Variants in FRMD1 observed in about 807,000 individuals in gnomAD.
FRMD1 encodes the protein FERM domain containing 1, also known as FERM domain-containing protein 1.
FRMD1 carries 51 observed loss-of-function variants against 54.9 expected under a neutral mutation model. That is an observed-to-expected ratio of 0.93 (90% CI 0.74 to 1.17). FRMD1 has a LOEUF of 1.17. FRMD1 is among the 50% of genes most tolerant of loss of function. The pLI, the probability that FRMD1 is intolerant of heterozygous loss-of-function variation, is 0.00. For missense variants in FRMD1, 729 were observed against 743.0 expected, an observed-to-expected ratio of 0.98 and a Z score of 0.22; for synonymous variants, 324 against 306.4, an observed-to-expected ratio of 1.06 and a Z score of -0.60.
intron 1 of FRMD1, among the ~76,000 whole-genome samples, chr6:168,087,688 A>G (rs1800945177): frequency 6.6e-6 from 1 of 152,192 alleles, no homozygotes; most frequent in South Asian, 2.1e-4. Flanking sequence ...AGATGTGAGG[A>G]CATCCCACTC....
intron 5 of FRMD1, 145 bp from the exon 6 acceptor site, chr6:168,063,901 A>G: frequency 3.3e-6 from 3 of 917,070 alleles, no homozygotes; most frequent in Non-Finnish European, 4.7e-6. Context: ...TGCTGAGCCC[A>G]GAACCAGAGA....
intron 1 of FRMD1, 63 bp downstream of exon 1, chr6:168,078,795 GGGCCCTGCTCACCCCCACGGCCAC>G: frequency 2.1e-6 from 2 of 933,284 alleles, no homozygotes; most frequent in Non-Finnish European, 2.8e-6. Context: ...CGGCCACCCA[GGGCCCTGCTCACCCCCACGGCCAC>G]CCGGAGCCCT....
intron 4 of FRMD1, chr6:168,066,534 A>T (rs1562416627): frequency 1.6e-6 from 2 of 1,284,022 alleles, no homozygotes; most frequent in Non-Finnish European, 2.0e-6. Flanking sequence ...GAAAAAGAAA[A>T]GAAAAAGAAG....
chr6:168,066,518 CAAA>C (rs1800032802), intron 4 of FRMD1: 1 of 1,271,782 alleles, frequency 7.9e-7, no homozygotes. Context: ...CAAAACAAAA[CAAA>C]AAGAAAAAGA....
chr6:168,081,591 T>C (rs990685488), upstream of FRMD1: 3 of 1,340,586 alleles, frequency 2.2e-6, no homozygotes, highest in Non-Finnish European at 3.0e-6. Flanking sequence ...GAACTCAAGC[T>C]TCGGAGCTCT....
chr6:168,060,749 C>T lies in FRMD1; in HGVS notation c.1342+12G>A, dbSNP rs758922773. On this transcript the variant is annotated intron_variant, in intron 9 of 10. Coordinates refer to ENST00000283309, the MANE Select transcript of FRMD1 (RefSeq NM_024919.6). ...ACTGTCCCTGAGGCCTGGGCATCTC[C>T]CTCGGGCCCACCTTGGCTGTCACCA... 2.5e-6 allele frequency: 4 copies of T among 1,602,170 alleles called. No individual in the cohort carries two copies. The highest frequency in any genetic ancestry group is 2.2e-5 in the East Asian group (1 of 44,594).
intron 6 of FRMD1, among the ~76,000 whole-genome samples, chr6:168,063,328 C>T (rs964702859): frequency 6.6e-6 from 1 of 151,646 alleles, no homozygotes; most frequent in Non-Finnish European, 1.5e-5. Flanking sequence ...CCTGGTCCCA[C>T]TCTTAGCCAC....
intron 1 of FRMD1, among the ~76,000 whole-genome samples, chr6:168,076,548 C>CACTT (rs1247328327): frequency 6.6e-6 from 1 of 152,174 alleles, no homozygotes; most frequent in Non-Finnish European, 1.5e-5. Flanking sequence ...TTTTATAAGG[C>CACTT]ACTTCCCCCT....
intron 4 of FRMD1, chr6:168,065,371 C>A: frequency 8.8e-7 from 1 of 1,139,944 alleles, no homozygotes; most frequent in Non-Finnish European, 1.1e-6. Flanking sequence ...AGGAGAGGTG[C>A]ACAGAGCCCG....
chr6:168,081,458 C>T, upstream of FRMD1: 1 of 1,535,682 alleles, frequency 6.5e-7, no homozygotes, highest in Non-Finnish European at 8.7e-7. Context: ...AAGAGGAGAC[C>T]ACCGCCCAGA....
intron 2 of FRMD1, among the ~76,000 whole-genome samples, chr6:168,071,830 C>T (rs1447263510): frequency 1.3e-5 from 2 of 152,238 alleles, no homozygotes; most frequent in African/African-American, 2.4e-5. Context: ...AGGCCACCCT[C>T]CCAGCCCCTC....
chr6:168,077,354 GAC>G (rs1338273472), intron 1 of FRMD1, among the ~76,000 whole-genome samples: 1 of 150,750 alleles, frequency 6.6e-6, no homozygotes, highest in African/African-American at 2.4e-5. Context: ...TCCAACTGCA[GAC>G]ACAGATGTGC....
chr6:168,065,465 G>A (rs903572325), intron 4 of FRMD1: 6 of 1,000,562 alleles, frequency 6.0e-6, no homozygotes, highest in East Asian at 1.1e-4. Context: ...AGAGCTCACC[G>A]CCCAGCACGG....
chr6:168,075,243 A>T lies in FRMD1; in HGVS notation c.304+2T>A, dbSNP rs766026139. The T allele has an allele frequency of 5.0e-6, 8 of 1,613,204 alleles. No individual in the cohort carries two copies. The African/African-American group carries it at 9.3e-5, about 19-fold the overall frequency. ...TGCAGGTGGGGACTGAGCGATGCTT[A>T]CTTCTGACCACACAGAGGCCAAAGA... On this transcript the variant is annotated splice_donor_variant, in intron 2 of 10. Transcript: ENST00000283309. LOFTEE classifies it high-confidence loss of function.
rs1023521750 is a variant in FRMD1, at chr6:168,054,126, T to G, written c.*2971A>C. 6.6e-6 allele frequency: 1 copy of G among 152,074 alleles called. No homozygotes were observed. The highest frequency in any genetic ancestry group is 1.5e-5 in the Non-Finnish European group (1 of 68,108). The allele number at this position is 152,074 out of a possible 1,614,324, so 9.4% of individuals were successfully genotyped here. ...AGACCAACTGCCCCCAGGAGCAGGG[T>G]CTGCCGCCTCCCACACCCCACCCAG... On this transcript the variant is annotated 3_prime_UTR_variant, in exon 11 of 11. Coordinates refer to ENST00000283309, the MANE Select transcript of FRMD1 (RefSeq NM_024919.6).
At position 168,055,055 on chromosome 6, in the gene FRMD1, T is replaced by C. The variant is rs1348071832; in HGVS notation, c.*2042A>G. ...CCCGGTAGTTAACAGGCATCTGGCA[T>C]AATTCTCCATGTCTGTCCACAAGGC... is the stretch of plus-strand genomic sequence containing the variant. On this transcript the variant is annotated 3_prime_UTR_variant, in exon 11 of 11. Transcript: ENST00000283309. 6.6e-6 allele frequency: 1 copy of C among 152,274 alleles called. No homozygotes were observed. The highest frequency in any genetic ancestry group is 1.5e-5 in the Non-Finnish European group (1 of 68,088). 9.4% of individuals were successfully genotyped at this position (152,274 alleles called of 1,614,324 possible).
chr6:168,084,456 G>A (rs1009931017), upstream of FRMD1, among the ~76,000 whole-genome samples: 9 of 152,240 alleles, frequency 5.9e-5, no homozygotes, highest in African/African-American at 2.2e-4. Flanking sequence ...CCTGCCATCT[G>A]TTAGAGGAGA....
chr6:168,066,972 A>G (rs1800065021), intron 3 of FRMD1, 141 bp from the exon 4 acceptor site: 1 of 1,053,664 alleles, frequency 9.5e-7, no homozygotes, highest in Non-Finnish European at 1.4e-6. Flanking sequence ...ATAGCTGACA[A>G]TTCGACTCAT....
At position 168,090,079 on chromosome 6, in the gene FRMD1, G is replaced by A. The variant is rs1023495625; in HGVS notation, c.-11-11055C>T. 5.3e-5 allele frequency among the ~76,000 whole-genome samples: 8 copies of A among 152,198 alleles called. No individual in the cohort carries two copies. The South Asian group carries it at 6.2e-4, about 12-fold the overall frequency. ...CAGACAGTGAGCCAATCCCGGCGGC[G>A]TTACCCCCAGAACCCACCCAGCCTC... On this transcript the variant is annotated intron_variant, in intron 1 of 12. Coordinates refer to the FRMD1 transcript ENST00000644440.
Sources: gnomAD v4.1 joint callset for allele counts (sites outside exome capture counted in the v4.1 genomes callset) on GRCh38, gnomAD v4.1.1 for gene constraint, MANE v1.5 for transcripts, NCBI Gene and HGNC (gene_info 2026-07-23, HGNC 2026-07-21) for gene names.